The following REL variants were observed in gnomAD, a reference collection of about 807,000 sequenced individuals.
REL encodes the protein REL proto-oncogene, NF-kB subunit.
Under a neutral mutation model 45.9 loss-of-function variants are expected in REL, and 15 were observed. The ratio of observed to expected loss-of-function variants is 0.33; its 90% CI spans 0.22 to 0.50. The LOEUF (loss-of-function observed/expected upper bound fraction) is 0.50, where lower values mean the gene tolerates loss of function less well. Ranked by LOEUF, REL falls within the 20% of genes least tolerant of loss-of-function variation. The pLI, the probability that REL is intolerant of heterozygous loss-of-function variation, is 0.98. For missense variants in REL, 601 were observed against 715.2 expected (o/e 0.84, Z 1.82); for synonymous variants, 239 against 242.1 (o/e 0.99, Z 0.12).
intron 3 of REL, chr2:60,900,302 G>A (rs918640559): frequency 6.6e-6 from 1 of 152,294 alleles, no homozygotes; most frequent in Non-Finnish European, 1.5e-5. Flanking sequence ...TTCAACCTGT[G>A]AACATCTCTT....
intron 1 of REL, 120 bp downstream of exon 1, chr2:60,881,970 CAT>C (rs1397295344): frequency 1.1e-5 from 7 of 631,284 alleles, no homozygotes; most frequent in Admixed American, 4.1e-5. Context: ...TTTAAAATCT[CAT>C]ATGGTAAAAT....
chr2:60,893,507 A>G (rs1190998275), intron 2 of REL, among the ~76,000 whole-genome samples: 1 of 152,130 alleles, frequency 6.6e-6, no homozygotes, highest in Non-Finnish European at 1.5e-5. Flanking sequence ...ATGCATCTCT[A>G]TTTCTAAGAT....
chr2:60,930,123 T>A lies in REL; in HGVS notation c.*7588T>A, dbSNP rs1245620500. On this transcript the variant is annotated 3_prime_UTR_variant, in exon 10 of 10. Transcript: ENST00000394479. Reference sequence around the variant, plus strand: ...ATGGAGAAATGGAAAGAATAGGGACTTTTTACTCAGGTAATACCCAGCCTG... The same window carrying A: ...ATGGAGAAATGGAAAGAATAGGGACATTTTACTCAGGTAATACCCAGCCTG... 1 of 152,312 alleles carries A rather than the reference T, an allele frequency of 6.6e-6. No individual in the cohort carries two copies. The highest frequency in any genetic ancestry group is 1.9e-4 in the East Asian group (1 of 5,286). The allele number at this position is 152,312 out of a possible 1,614,324, so 9.4% of individuals were successfully genotyped here. A position where few individuals can be genotyped will look rare whatever the true frequency, so the allele number is the denominator to read the frequency against.
chr2:60,915,907 A>G (rs1673950226), intron 4 of REL, among the ~76,000 whole-genome samples: 1 of 152,208 alleles, frequency 6.6e-6, no homozygotes, highest in Non-Finnish European at 1.5e-5. Flanking sequence ...GAAACTAGCT[A>G]TCTTAACATT....
intron 3 of REL, among the ~76,000 whole-genome samples, chr2:60,895,937 T>C (rs988235469): frequency 6.6e-6 from 1 of 152,180 alleles, no homozygotes; most frequent in African/African-American, 2.4e-5. Flanking sequence ...AAAAATCATA[T>C]TGCCAATATG....
chr2:60,905,685 T>C (rs1260759770), intron 4 of REL, among the ~76,000 whole-genome samples: 1 of 152,100 alleles, frequency 6.6e-6, no homozygotes, highest in East Asian at 1.9e-4. Context: ...AGACAAGTTT[T>C]AGAGCAGGAG....
chr2:60,901,071 A>C lies in REL; in HGVS notation c.382A>C (p.Asn128His). ...TATTACAAGAATAAAGGCAGGAATC[A>C]ATCCATTCAATGGTAAGTATGTTTG... ...AIITRIKAGI[N>H]PFNVPEKQLN... The change falls in exon 4 of 10, where the codon AAT becomes CAT. Residue 128 changes from asparagine (N) to histidine (H), a missense_variant. Asn to His is a moderately conservative substitution (Grantham distance 68). Transcript: ENST00000394479. 1 of 1,604,504 alleles carries C rather than the reference A, an allele frequency of 6.2e-7. No individual in the cohort carries two copies. The highest frequency in any genetic ancestry group is 8.5e-7 in the Non-Finnish European group (1 of 1,176,434).
rs1223872679 is a variant in REL, at chr2:60,922,577, A to G, written c.*42A>G. 4 of 1,514,842 alleles carry G rather than the reference A, an allele frequency of 2.6e-6. No homozygotes were observed. The highest frequency in any genetic ancestry group is 2.6e-5 in the South Asian group (2 of 77,486). The allele number at this position is 1,514,842 out of a possible 1,614,324, so 93.8% of individuals were successfully genotyped here. On this transcript the variant is annotated 3_prime_UTR_variant, in exon 10 of 10. Transcript: ENST00000394479. Reference sequence around the variant, plus strand: ...CCTTTTAAATCTTGATACCACCTATATAGATGCAGCATTTTGTATTTGTCT... The same window carrying G: ...CCTTTTAAATCTTGATACCACCTATGTAGATGCAGCATTTTGTATTTGTCT...
Position 60,929,205 on chromosome 2 carries a change from A to G in REL, c.*6670A>G, listed in dbSNP as rs964161398. 3.3e-5 allele frequency: 5 copies of G among 150,020 alleles called. No homozygotes were observed. Among genetic ancestry groups the G allele is most frequent in the Non-Finnish European group, 7.4e-5 (5 of 67,298 alleles). The allele number at this position is 150,020 out of a possible 1,614,324, so 9.3% of individuals were successfully genotyped here. A position where few individuals can be genotyped will look rare whatever the true frequency, so the allele number is the denominator to read the frequency against. The stretch of plus-strand genomic sequence containing the variant: ...GGAGAGGATGTGGAGAAATAGGAAC[A>G]CTTTTACACTGTTGGTGGGACTGTA... On this transcript the variant is annotated 3_prime_UTR_variant, in exon 10 of 10. Transcript: ENST00000394479.
At chr2:60,905,387 C>T (rs1280934271) in intron 4 of REL, among the ~76,000 whole-genome samples, 1 of 152,162 alleles carries the variant, frequency 6.6e-6, no homozygotes. Context: ...AGCCACCACA[C>T]CCAGCCTGTT....
intron 4 of REL, among the ~76,000 whole-genome samples, chr2:60,906,699 G>A (rs1429744878): frequency 6.6e-6 from 1 of 151,816 alleles, no homozygotes; most frequent in African/African-American, 2.4e-5. Context: ...TTTTATACAT[G>A]CAGTTCCTTT....
Position 60,925,874 on chromosome 2 carries a change from AT to A in REL, c.*3346del, listed in dbSNP as rs1371212594. 3 of 222,396 alleles carry A rather than the reference AT, an allele frequency of 1.3e-5. No individual in the cohort carries two copies. In the East Asian group the frequency reaches 2.0e-4, roughly 15 times the overall value. 13.8% of individuals were successfully genotyped at this position (222,396 alleles called of 1,614,324 possible). ...GTTCTGCTACATCTGTGTTTAGAATATTTTTTTAAAACTAAATAAGTGTTGG... is the reference window on the plus strand; with the variant it reads ...GTTCTGCTACATCTGTGTTTAGAATATTTTTTAAAACTAAATAAGTGTTGG... On this transcript the variant is annotated 3_prime_UTR_variant, in exon 10 of 10. Coordinates refer to ENST00000394479, the MANE Select transcript of REL (RefSeq NM_001291746.2).
At chr2:60,894,851 CTTTTTTTTTTT>C (rs558726227) in intron 3 of REL, among the ~76,000 whole-genome samples, 2 of 106,760 alleles carry the variant, frequency 1.9e-5, no homozygotes, top group Non-Finnish European at 3.9e-5. Context: ...TTCACTCTGT[CTTTTTTTTTTT>C]TTTTTTTTTT....
rs34016007 is a variant in REL, at chr2:60,921,536, A to G, written c.992-227A>G. ...ATTACATATGCCAAAGTAACTTGCCAAAATCATTTTACCTGTATTTGTAAA... is the reference window on the plus strand; with the variant it reads ...ATTACATATGCCAAAGTAACTTGCCGAAATCATTTTACCTGTATTTGTAAA... On this transcript the variant is annotated intron_variant, in intron 9 of 9. Transcript: ENST00000394479. Among the ~76,000 whole-genome samples the G allele has an allele frequency of 3.8e-3, 578 of 152,312 alleles. 1 individual carries two copies. The highest frequency in any genetic ancestry group is 5.8e-3 in the Admixed American group (89 of 15,298).
At chr2:60,896,666 A>G (rs1573320828) in intron 3 of REL, among the ~76,000 whole-genome samples, 1 of 152,204 alleles carries the variant, frequency 6.6e-6, no homozygotes, top group East Asian at 1.9e-4. Flanking sequence ...ATTTGTCTAT[A>G]TTACTTGACC....
intron 1 of REL, among the ~76,000 whole-genome samples, chr2:60,889,489 G>C (rs1472803672): frequency 6.6e-6 from 1 of 151,788 alleles, no homozygotes; most frequent in Non-Finnish European, 1.5e-5. Flanking sequence ...TACACTTTAA[G>C]TTTTAGGGTA....
Position 60,928,630 on chromosome 2 carries a change from G to A in REL, c.*6095G>A, listed in dbSNP as rs1674321052. 7.8e-6 allele frequency: 1 copy of A among 128,112 alleles called. No individual in the cohort carries two copies. The highest frequency in any genetic ancestry group is 8.3e-5 in the Admixed American group (1 of 12,072). The allele number at this position is 128,112 out of a possible 1,614,324, so 7.9% of individuals were successfully genotyped here. On this transcript the variant is annotated 3_prime_UTR_variant, in exon 10 of 10. Coordinates refer to ENST00000394479, the MANE Select transcript of REL (RefSeq NM_001291746.2). ...AAAACTGGCTAGCCATATGTAGAAA[G>A]CTGAAACTGGATCCCTTCCTTACAC...
rs1201998437 is a variant in REL at position 60,926,166 on chromosome 2, C to G, written c.*3631C>G. The G allele has an allele frequency of 8.6e-6, 2 of 231,330 alleles. No individual in the cohort carries two copies. Among genetic ancestry groups the G allele is most frequent in the Non-Finnish European group, 1.7e-5 (2 of 116,578 alleles). The allele number at this position is 231,330 out of a possible 1,614,324, so 14.3% of individuals were successfully genotyped here. On this transcript the variant is annotated 3_prime_UTR_variant, in exon 10 of 10. Transcript: ENST00000394479. The stretch of plus-strand genomic sequence containing the variant: ...TCCTTTCTCTGCCAGGCTGTGTTTA[C>G]TTTATCCTTACATCACCACTTAGTG...
chr2:60,906,909 ATATATTT>A (rs1195770924), intron 4 of REL, among the ~76,000 whole-genome samples: 1 of 97,492 alleles, frequency 1.0e-5, no homozygotes, highest in Non-Finnish European at 2.1e-5. Context: ...ATATATATAT[ATATATTT>A]TTTTTTTTTT....
Sources: gnomAD v4.1 joint callset for allele counts (sites outside exome capture counted in the v4.1 genomes callset) on GRCh38, gnomAD v4.1.1 for gene constraint, MANE v1.5 for transcripts, NCBI Gene and HGNC (gene_info 2026-07-23, HGNC 2026-07-21) for gene names.